SLC67A1: variants seen among roughly 807,000 people sequenced by gnomAD.
The protein encoded by SLC67A1 is solute carrier family 67 member 1, also known as solute carrier family 67 member A1.
At chr11:2,903,185 G>C in the SLC67A1 span, 1 of 1,472,096 alleles carries the variant, frequency 6.8e-7, no homozygotes, top group Non-Finnish European at 9.0e-7. Flanking sequence ...ACTGGGGAGG[G>C]GGTCCTGCAG....
At chr11:2,906,876 AAGAG>A in the SLC67A1 span, among the ~76,000 whole-genome samples, 7 of 122,130 alleles carry the variant, frequency 5.7e-5, no homozygotes, top group Admixed American at 5.3e-4. Context: ...AAAAAACAAA[AAGAG>A]AGAAAAGAAA....
At chr11:2,907,816 CTG>C in the SLC67A1 span, among the ~76,000 whole-genome samples, 2 of 152,228 alleles carry the variant, frequency 1.3e-5, no homozygotes, top group Admixed American at 6.5e-5. The surrounding 1 kb of genome is among the most constrained non-coding windows in gnomAD (Gnocchi z 6.7). Flanking sequence ...ACAGAGCAGA[CTG>C]TGTCCTGCTG....
At chr11:2,915,374 C>A in the SLC67A1 span, 1 of 443,956 alleles carries the variant, frequency 2.3e-6, no homozygotes, top group East Asian at 1.6e-4. Flanking sequence ...TGGCCTGTGG[C>A]TGGCCTTGTT....
At chr11:2,910,453 G>A in the SLC67A1 span, among the ~76,000 whole-genome samples, 1 of 152,178 alleles carries the variant, frequency 6.6e-6, no homozygotes, top group African/African-American at 2.4e-5. Context: ...CGGCATCTGA[G>A]TCGAGGCCTG....
At chr11:2,922,797 A>G in the SLC67A1 span, among the ~76,000 whole-genome samples, 1 of 151,916 alleles carries the variant, frequency 6.6e-6, no homozygotes, top group East Asian at 1.9e-4. Context: ...GGGGCAGGCC[A>G]GGGGCCTGGG....
the SLC67A1 span, chr11:2,909,754 C>A: frequency 7.1e-7 from 1 of 1,416,318 alleles, no homozygotes; most frequent in South Asian, 1.5e-5. Flanking sequence ...TCAGGACGCC[C>A]GCGGCTGGGT....
At chr11:2,903,459 C>T in the SLC67A1 span, 22 of 1,613,212 alleles carry the variant, frequency 1.4e-5, no homozygotes, top group African/African-American at 2.8e-4. Flanking sequence ...CAGAACTTAC[C>T]TGCCTCTTCA....
At chr11:2,925,080 C>A in the SLC67A1 span, 1 of 1,613,832 alleles carries the variant, frequency 6.2e-7, no homozygotes, top group Non-Finnish European at 8.5e-7. This position sits in a 1 kb window ranked among gnomAD's most constrained non-coding sequence, Gnocchi z 6.5. Context: ...TCGGCGGCCT[C>A]CTGTACCGCA....
chr11:2,913,917 C>T, the SLC67A1 span, among the ~76,000 whole-genome samples: 13 of 152,202 alleles, frequency 8.5e-5, no homozygotes, highest in South Asian at 2.1e-4. Flanking sequence ...GCCAACTCCA[C>T]GCCCTGCTAT....
the SLC67A1 span, among the ~76,000 whole-genome samples, chr11:2,918,644 C>T: frequency 6.6e-6 from 1 of 152,256 alleles, no homozygotes; most frequent in African/African-American, 2.4e-5. Flanking sequence ...ACCCAGCCCA[C>T]CTAGGCCAGC....
chr11:2,908,614 C>T, the SLC67A1 span, among the ~76,000 whole-genome samples: 2,759 of 152,288 alleles, frequency 0.018, 92 homozygotes, highest in African/African-American at 0.063. Context: ...CTGCCGAGAC[C>T]AGGCAGGAGG....
At chr11:2,903,509 C>T in the SLC67A1 span, 2 of 1,612,488 alleles carry the variant, frequency 1.2e-6, no homozygotes, top group Non-Finnish European at 1.7e-6. Flanking sequence ...ACACCCCAGC[C>T]CCTGCAGCCC....
At chr11:2,903,145 C>A in the SLC67A1 span, 1 of 1,317,704 alleles carries the variant, frequency 7.6e-7, no homozygotes, top group Non-Finnish European at 1.0e-6. Context: ...CCTGATGTGT[C>A]CTCTAAGGTC....
chr11:2,903,113 C>G, the SLC67A1 span: 6 of 1,005,648 alleles, frequency 6.0e-6, no homozygotes, highest in African/African-American at 1.6e-5. Context: ...CCAGAGCTGT[C>G]AAAAGTGGAG....
the SLC67A1 span, chr11:2,921,903 G>GA: frequency 1.6e-6 from 1 of 610,864 alleles, no homozygotes; most frequent in African/African-American, 1.9e-5. Context: ...AGGGATCTCA[G>GA]ACCCATCCTG....
the SLC67A1 span, chr11:2,916,785 A>G: frequency 6.4e-7 from 1 of 1,553,232 alleles, no homozygotes; most frequent in Non-Finnish European, 8.9e-7. Flanking sequence ...GGGGCAATGG[A>G]AGGCATTGGC....
the SLC67A1 span, chr11:2,916,653 G>T: frequency 6.2e-6 from 10 of 1,612,614 alleles, no homozygotes; most frequent in Non-Finnish European, 8.5e-6. Flanking sequence ...GGCTGCCCTG[G>T]CCACCCTCCT....
chr11:2,910,264 A>G, the SLC67A1 span, among the ~76,000 whole-genome samples: 14 of 152,128 alleles, frequency 9.2e-5, no homozygotes, highest in Admixed American at 5.9e-4. Context: ...GAACACCTCA[A>G]CATTGCCCCC....
chr11:2,924,956 G>A, the SLC67A1 span: 13 of 1,512,930 alleles, frequency 8.6e-6, no homozygotes, highest in African/African-American at 1.7e-4. The surrounding 1 kb of genome is among the most constrained non-coding windows in gnomAD (Gnocchi z 8.6). Flanking sequence ...TCAGGAAGTG[G>A]GCAGTTGGCC....
Sources: allele counts gnomAD v4.1 joint callset (sites outside exome capture counted in the v4.1 genomes callset), GRCh38; gene constraint gnomAD v4.1.1; non-coding constraint Gnocchi (gnomAD v3.1); transcripts MANE v1.5; gene names NCBI Gene and HGNC (gene_info 2026-07-23, HGNC 2026-07-21).